Variants in ZMYND11 observed in about 807,000 individuals in gnomAD.
ZMYND11 encodes the protein zinc finger MYND-type containing 11.
A neutral mutation model predicts 84.9 loss-of-function variants in ZMYND11; 9 were observed. The ratio of observed to expected loss-of-function variants is 0.11; its 90% CI spans 0.06 to 0.18. The LOEUF (loss-of-function observed/expected upper bound fraction) is 0.18, where lower values mean the gene tolerates loss of function less well. Among genes scored for constraint, ZMYND11 ranks in the 10% least tolerant of loss-of-function variants. ZMYND11 has a pLI of 1.00. For missense variants in ZMYND11, 409 were observed against 761.0 expected, an observed-to-expected ratio of 0.54 and a Z score of 5.44; for synonymous variants, 250 against 244.1, an observed-to-expected ratio of 1.02 and a Z score of -0.23.
intron 4 of ZMYND11, among the ~76,000 whole-genome samples, chr10:231,407 C>T (rs1427427438): frequency 6.6e-6 from 1 of 152,194 alleles, no homozygotes; most frequent in African/African-American, 2.4e-5. Context: ...TTTTGCACTT[C>T]ATTCCTGCTT....
intron 6 of ZMYND11, among the ~76,000 whole-genome samples, chr10:239,146 T>G (rs914805597): frequency 1.3e-5 from 2 of 152,212 alleles, no homozygotes; most frequent in Non-Finnish European, 2.9e-5. Context: ...AGCAGCAGCT[T>G]TCTACATTAT....
chr10:203,610 G>A (rs1943622582), intron 2 of ZMYND11, among the ~76,000 whole-genome samples: 1 of 152,132 alleles, frequency 6.6e-6, no homozygotes, highest in South Asian at 2.1e-4. Flanking sequence ...AAAAGAAGGA[G>A]AGGAACTCCC....
chr10:137,951 C>G (rs1434502342), intron 1 of ZMYND11, among the ~76,000 whole-genome samples: 2 of 152,100 alleles, frequency 1.3e-5, no homozygotes, highest in Non-Finnish European at 2.9e-5. Context: ...ACCAACTCTT[C>G]CTTTTACAGT....
At chr10:210,401 T>C (rs1214305509) in intron 3 of ZMYND11, among the ~76,000 whole-genome samples, 1 of 152,200 alleles carries the variant, frequency 6.6e-6, no homozygotes, top group Non-Finnish European at 1.5e-5. Context: ...TCTAGACAGA[T>C]AGAAGGGGAT....
intron 1 of ZMYND11, among the ~76,000 whole-genome samples, chr10:168,420 T>C (rs1195275210): frequency 6.6e-6 from 1 of 152,076 alleles, no homozygotes; most frequent in Non-Finnish European, 1.5e-5. Context: ...GAGTCCAGCC[T>C]GGGCAACATA....
intron 12 of ZMYND11, 49 bp downstream of exon 12, chr10:247,515 A>G: frequency 6.4e-7 from 1 of 1,570,958 alleles, no homozygotes; most frequent in African/African-American, 1.4e-5. Flanking sequence ...AACAGGAAAT[A>G]TTTTCAAAGT....
intron 6 of ZMYND11, among the ~76,000 whole-genome samples, chr10:238,805 C>G (rs1171114520): frequency 6.6e-6 from 1 of 152,114 alleles, no homozygotes; most frequent in East Asian, 1.9e-4. Context: ...AGCCATAGCC[C>G]CTTCTAAACT....
At chr10:204,549 T>C (rs1943801635) in intron 2 of ZMYND11, among the ~76,000 whole-genome samples, 1 of 152,148 alleles carries the variant, frequency 6.6e-6, no homozygotes, top group African/African-American at 2.4e-5. Context: ...GTTTTCTAGA[T>C]ACATGATTTG....
upstream of ZMYND11, among the ~76,000 whole-genome samples, chr10:133,566 G>C (rs1554750525): frequency 6.6e-6 from 1 of 152,140 alleles, no homozygotes; most frequent in African/African-American, 2.4e-5. Context: ...TTTCCTAAAA[G>C]GTAAGCTTCC....
At chr10:237,028 G>C in intron 5 of ZMYND11, 113 bp downstream of exon 5, 3 of 958,202 alleles carry the variant, frequency 3.1e-6, no homozygotes, top group Non-Finnish European at 4.7e-6. Context: ...GCAATATGAA[G>C]TGTGGAGAGC....
chr10:215,221 C>A (rs1945966916), intron 3 of ZMYND11, among the ~76,000 whole-genome samples: 1 of 152,184 alleles, frequency 6.6e-6, no homozygotes, highest in Non-Finnish European at 1.5e-5. Flanking sequence ...TGTAAAACTA[C>A]TTCTCCCTTT....
At chr10:212,370 G>C (rs943520883) in intron 3 of ZMYND11, among the ~76,000 whole-genome samples, 13 of 151,936 alleles carry the variant, frequency 8.6e-5, no homozygotes, top group African/African-American at 2.7e-4. Flanking sequence ...GTTTAATTCT[G>C]ATTGGTTCTT....
intron 10 of ZMYND11, among the ~76,000 whole-genome samples, chr10:245,037 C>A (rs1951835316): frequency 6.6e-6 from 1 of 152,104 alleles, no homozygotes; most frequent in Non-Finnish European, 1.5e-5. Context: ...AATAGGAAAT[C>A]AGTAAATATC....
intron 3 of ZMYND11, among the ~76,000 whole-genome samples, chr10:214,183 A>G (rs1441544457): frequency 6.6e-6 from 1 of 152,200 alleles, no homozygotes. Flanking sequence ...GGTAATAGAT[A>G]AGCATCTTTG....
intron 1 of ZMYND11, among the ~76,000 whole-genome samples, chr10:143,788 C>T (rs1317113507): frequency 1.3e-5 from 2 of 152,166 alleles, no homozygotes; most frequent in Non-Finnish European, 2.9e-5. Context: ...ACAGTTATAA[C>T]TTTACGAAGC....
At chr10:213,244 A>G (rs1945575413) in intron 3 of ZMYND11, among the ~76,000 whole-genome samples, 1 of 152,238 alleles carries the variant, frequency 6.6e-6, no homozygotes, top group Non-Finnish European at 1.5e-5. Context: ...ATAAATGAAC[A>G]TACAACAACA....
chr10:209,804 G>T (rs1299996879), intron 2 of ZMYND11, 85 bp from the exon 3 acceptor site: 43 of 1,351,738 alleles, frequency 3.2e-5, no homozygotes, highest in Non-Finnish European at 4.4e-5. Context: ...CATAATGAAA[G>T]AAATTACCAC....
At chr10:130,646 TC>T (rs1835293457), upstream of ZMYND11, among the ~76,000 whole-genome samples, 1 of 152,160 alleles carries the variant, frequency 6.6e-6, no homozygotes, top group African/African-American at 2.4e-5. Context: ...TTGTCCAAGG[TC>T]AATAGCTAGA....
intron 3 of ZMYND11, 136 bp downstream of exon 3, chr10:210,184 C>CA: frequency 1.1e-6 from 1 of 934,662 alleles, no homozygotes; most frequent in Non-Finnish European, 1.6e-6. Flanking sequence ...TAAGGCTCTA[C>CA]ATTGGTAGTA....
Sources: allele counts gnomAD v4.1 joint callset (sites outside exome capture counted in the v4.1 genomes callset), GRCh38; gene constraint gnomAD v4.1.1; transcripts MANE v1.5; gene names NCBI Gene and HGNC (gene_info 2026-07-23, HGNC 2026-07-21).